SV2C: variants seen among roughly 807,000 people sequenced by gnomAD.
SV2C encodes the protein synaptic vesicle glycoprotein 2C.
Under a neutral mutation model 79.7 loss-of-function variants are expected in SV2C, and 49 were observed. The observed-to-expected ratio is 0.61, with a 90% CI of 0.49 to 0.78. The LOEUF (loss-of-function observed/expected upper bound fraction) is 0.78, where lower values mean the gene tolerates loss of function less well. SV2C is among the 30% of genes least tolerant of loss of function. SV2C has a pLI of 0.00. For missense variants in SV2C, 833 were observed against 912.9 expected (o/e 0.91, Z 1.13); for synonymous variants, 334 against 333.2 (o/e 1.00, Z -0.03).
chr5:76,003,777 G>A, the SV2C span, among the ~76,000 whole-genome samples: 1 of 152,112 alleles, frequency 6.6e-6, no homozygotes, highest in African/African-American at 2.4e-5. Context: ...GGGTTAGGAG[G>A]TTTTGGCCTC....
At chr5:75,916,844 C>T in the SV2C span, among the ~76,000 whole-genome samples, 10 of 152,274 alleles carry the variant, frequency 6.6e-5, no homozygotes, top group Admixed American at 2.6e-4. Context: ...TGGGCTGTTC[C>T]CCCAGTGCCA....
intron 12 of SV2C, among the ~76,000 whole-genome samples, chr5:76,321,724 T>C (rs970129389): frequency 1.4e-5 from 2 of 147,232 alleles, no homozygotes; most frequent in South Asian, 4.3e-4. Context: ...CTGGGTGACA[T>C]GAGCGAGACC....
the SV2C span, among the ~76,000 whole-genome samples, chr5:75,879,135 G>GAGGTA: frequency 6.6e-6 from 1 of 152,112 alleles, no homozygotes; most frequent in African/African-American, 2.4e-5. Flanking sequence ...CTCCCACAAG[G>GAGGTA]CCCCACCTTC....
rs79088592 is a variant in SV2C at position 76,267,563 on chromosome 5, G to A, written c.914-17599G>A. ...AACAGGTTAAATTTTTCAGTCTCTGGAATTTAGCAGGATTTAGCAGAGTAT... is the reference window on the plus strand; with the variant it reads ...AACAGGTTAAATTTTTCAGTCTCTGAAATTTAGCAGGATTTAGCAGAGTAT... On this transcript the variant is annotated intron_variant, in intron 4 of 12. Transcript: ENST00000502798. 5.7e-4 allele frequency among the ~76,000 whole-genome samples: 87 copies of A among 152,254 alleles called. 1 individual carries two copies. In the East Asian group the frequency reaches 7.1e-3, roughly 12 times the overall value.
At chr5:76,024,556 G>A in the SV2C span, among the ~76,000 whole-genome samples, 1 of 152,170 alleles carries the variant, frequency 6.6e-6, no homozygotes, top group East Asian at 1.9e-4. Flanking sequence ...TTTTCCATAA[G>A]CATTACAAAC....
intron 12 of SV2C, among the ~76,000 whole-genome samples, chr5:76,351,576 T>C (rs1460094851): frequency 6.6e-6 from 1 of 152,212 alleles, no homozygotes; most frequent in Admixed American, 6.5e-5. Flanking sequence ...AGGCTGCATC[T>C]AGAAAGGTAT....
At chr5:76,185,122 T>A (rs1044620806) in intron 2 of SV2C, among the ~76,000 whole-genome samples, 2 of 152,204 alleles carry the variant, frequency 1.3e-5, no homozygotes, top group African/African-American at 4.8e-5. Context: ...AGTTAAACCT[T>A]AACATTCCAA....
chr5:76,280,901 G>T, intron 4 of SV2C: 3 of 508,230 alleles, frequency 5.9e-6, no homozygotes, highest in South Asian at 4.2e-5. Flanking sequence ...ACAAGTGAGG[G>T]TCTGCTGTGT....
chr5:75,935,043 A>G, the SV2C span, among the ~76,000 whole-genome samples: 3 of 152,280 alleles, frequency 2.0e-5, no homozygotes, highest in East Asian at 5.8e-4. Flanking sequence ...AAATGTTGCT[A>G]TTTTTAAAAT....
At chr5:76,122,486 A>G (rs1426948834) in intron 1 of SV2C, among the ~76,000 whole-genome samples, 2 of 152,124 alleles carry the variant, frequency 1.3e-5, no homozygotes, top group Non-Finnish European at 2.9e-5. Context: ...TTGCCCATTC[A>G]GTATGATATT....
chr5:76,195,164 A>G, intron 3 of SV2C, 65 bp downstream of exon 3: 1 of 1,533,398 alleles, frequency 6.5e-7, no homozygotes, highest in South Asian at 1.2e-5. Flanking sequence ...CACTCTAGAG[A>G]ACCTTATTGG....
intron 4 of SV2C, among the ~76,000 whole-genome samples, chr5:76,268,933 C>A (rs577293945): frequency 6.6e-6 from 1 of 152,304 alleles, no homozygotes; most frequent in South Asian, 2.1e-4. Flanking sequence ...CACATTCATG[C>A]AGGAATAAAA....
chr5:76,046,204 G>A, the SV2C span, among the ~76,000 whole-genome samples: 1 of 152,082 alleles, frequency 6.6e-6, no homozygotes. Flanking sequence ...TCCTGTAATT[G>A]GAAAAATAAG....
chr5:76,187,443 A>G (rs1408748107), intron 2 of SV2C, among the ~76,000 whole-genome samples: 3 of 152,156 alleles, frequency 2.0e-5, no homozygotes, highest in Non-Finnish European at 4.4e-5. Context: ...CTTAAATGTC[A>G]GACTTCCCTA....
the SV2C span, among the ~76,000 whole-genome samples, chr5:75,893,811 A>T: frequency 6.6e-6 from 1 of 152,070 alleles, no homozygotes; most frequent in African/African-American, 2.4e-5. Flanking sequence ...ACCCTGCCAT[A>T]TGAAAGCAGT....
chr5:76,042,057 T>C, the SV2C span, among the ~76,000 whole-genome samples: 1 of 152,160 alleles, frequency 6.6e-6, no homozygotes, highest in African/African-American at 2.4e-5. Flanking sequence ...CCACCCGCCA[T>C]TCAGGACAGC....
At chr5:76,077,962 C>T in the SV2C span, among the ~76,000 whole-genome samples, 5 of 152,146 alleles carry the variant, frequency 3.3e-5, no homozygotes, top group African/African-American at 1.2e-4. Flanking sequence ...TGTGTGTATA[C>T]TAAATTGCCA....
the SV2C span, among the ~76,000 whole-genome samples, chr5:75,884,186 G>C: frequency 9.7e-3 from 1,484 of 152,212 alleles, 13 homozygotes; most frequent in East Asian, 0.034. Context: ...ATCAACTTTT[G>C]AGAAACACCA....
the SV2C span, among the ~76,000 whole-genome samples, chr5:76,078,099 T>A: frequency 6.6e-6 from 1 of 152,102 alleles, no homozygotes; most frequent in Non-Finnish European, 1.5e-5. Flanking sequence ...AATAACCTGA[T>A]GAAAGGAGAT....
Sources: allele counts gnomAD v4.1 joint callset (sites outside exome capture counted in the v4.1 genomes callset), GRCh38; gene constraint gnomAD v4.1.1; transcripts MANE v1.5; gene names NCBI Gene and HGNC (gene_info 2026-07-23, HGNC 2026-07-21).